Variants in OGFOD2 observed in about 807,000 individuals in gnomAD.
OGFOD2 encodes 2-oxoglutarate and iron-dependent oxygenase domain-containing protein 2.
A neutral mutation model predicts 31.1 loss-of-function variants in OGFOD2; 34 were observed. That is an observed-to-expected ratio of 1.09 (90% CI 0.83 to 1.45). The LOEUF (loss-of-function observed/expected upper bound fraction) is 1.45, where lower values mean the gene tolerates loss of function less well. OGFOD2 is among the 40% of genes most tolerant of loss of function. OGFOD2 has a pLI of 0.00. For missense variants in OGFOD2, 537 were observed against 433.9 expected (o/e 1.24, Z -2.11); for synonymous variants, 240 against 192.3 (o/e 1.25, Z -2.05).
intron 4 of OGFOD2, chr12:122,977,287 C>A: frequency 2.5e-6 from 1 of 392,692 alleles, no homozygotes; most frequent in South Asian, 2.0e-5. Context: ...CTTAAAGGGA[C>A]CATTGAGACA....
At chr12:122,977,360 C>T (rs1239508272) in intron 4 of OGFOD2, 2 of 311,926 alleles carry the variant, frequency 6.4e-6, no homozygotes, top group Non-Finnish European at 1.3e-5. Context: ...GGGCTGGCAA[C>T]AGGAGGGAGC....
exon 6 of OGFOD2, chr12:122,978,933 A>G (rs2037524636): frequency 1.9e-6 from 3 of 1,613,264 alleles, no homozygotes; most frequent in Non-Finnish European, 2.5e-6. Flanking sequence ...CCACTATGAT[A>G]ATGCCGAGCT....
chr12:122,976,979 C>A lies in OGFOD2; in HGVS notation c.403+9C>A. 1 of 1,611,908 alleles carries A rather than the reference C, an allele frequency of 6.2e-7. No homozygotes were observed. Among genetic ancestry groups the A allele is most frequent in the Non-Finnish European group, 8.5e-7 (1 of 1,178,952 alleles). On this transcript the variant is annotated intron_variant, in intron 4 of 6. Transcript: ENST00000228922. ...GCTGGAGACAGTATCGGGTGAGGTC[C>A]TGGCCCTGAGACCTGGCAGGACCAG... is the stretch of plus-strand genomic sequence containing the variant.
intron 4 of OGFOD2, 91 bp downstream of exon 4, chr12:122,977,061 C>T: frequency 1.6e-6 from 2 of 1,288,788 alleles, no homozygotes; most frequent in Middle Eastern, 1.8e-4. Context: ...CAGCCACCAT[C>T]TCTGCCTCCA....
exon 6 of OGFOD2, chr12:122,978,821 G>C (rs764956069): frequency 2.5e-6 from 4 of 1,612,600 alleles, no homozygotes; most frequent in Non-Finnish European, 3.4e-6. Context: ...TCCTGCAGCC[G>C]CTGATGGCCC....
At chr12:122,979,268 C>T in exon 7 of OGFOD2, 1 of 1,612,996 alleles carries the variant, frequency 6.2e-7, no homozygotes, top group Non-Finnish European at 8.5e-7. Flanking sequence ...GTGAGCCCGA[C>T]CTGGTGGACG....
chr12:122,977,088 G>T, intron 4 of OGFOD2, 118 bp downstream of exon 4: 1 of 926,132 alleles, frequency 1.1e-6, no homozygotes, highest in South Asian at 1.4e-5. Context: ...AAACCAGCAG[G>T]AGCTGGAAGG....
At chr12:122,975,849 C>A in exon 2 of OGFOD2, 1 of 702,982 alleles carries the variant, frequency 1.4e-6, no homozygotes, top group Non-Finnish European at 2.6e-6. Flanking sequence ...CCAAGGACTT[C>A]CAGCAGCTGT....
chr12:122,975,499 A>G (rs752940104), intron 1 of OGFOD2, 116 bp downstream of exon 1: 17 of 594,306 alleles, frequency 2.9e-5, no homozygotes, highest in African/African-American at 2.4e-4. Context: ...CTTCAAATAC[A>G]AGAATGACGG....
Position 122,976,883 on chromosome 12 carries a change from GC to G in OGFOD2, c.321del (p.Glu108SerfsTer5), listed in dbSNP as rs762990318. The G allele has an allele frequency of 1.9e-6, 3 of 1,606,378 alleles. No homozygotes were observed. The highest frequency in any genetic ancestry group is 2.6e-6 in the Non-Finnish European group (3 of 1,174,346). ...GTTTTGCTCCCAGGATGCAGCTCTG[GC>G]CCCCGAGTTCCTGGCCGTGACTGAG... On this transcript the variant is annotated frameshift_variant, in exon 4 of 7. Transcript: ENST00000228922. LOFTEE classifies it high-confidence loss of function.
chr12:122,979,324 T>C, exon 7 of OGFOD2: 1 of 1,610,150 alleles, frequency 6.2e-7, no homozygotes, highest in Non-Finnish European at 8.5e-7. Flanking sequence ...CCCGCCACGG[T>C]GGATGTATGT....
rs2037496150 is a variant in OGFOD2, at chr12:122,978,423, ACCATCCCTCCTT to A, written c.404-15_404-4del. 6.2e-7 allele frequency: 1 copy of A among 1,611,912 alleles called. No homozygotes were observed. The highest frequency in any genetic ancestry group is 1.7e-5 in the Admixed American group (1 of 59,972). ...CCCACGGCCACATTCAGGCCAACAG[ACCATCCCTCCTT>A]CCACAGAGGAGAAGCGCATCTACCG... On this transcript the variant is annotated splice_region_variant and splice_polypyrimidine_tract_variant and intron_variant, in intron 4 of 6. Transcript: ENST00000228922.
intron 3 of OGFOD2, 38 bp from the exon 4 acceptor site, chr12:122,976,833 G>T (rs1232407336): frequency 3.8e-6 from 6 of 1,595,580 alleles, no homozygotes; most frequent in African/African-American, 1.3e-5. Flanking sequence ...AGGGCTGGGG[G>T]TGCTGCCTGC....
chr12:122,978,619 G>A (rs2037504214), intron 5 of OGFOD2, 50 bp downstream of exon 5: 2 of 1,601,696 alleles, frequency 1.2e-6, no homozygotes, highest in Non-Finnish European at 8.5e-7. Flanking sequence ...GGGGTCAGGA[G>A]GCAGTGTCAG....
At chr12:122,979,233 A>T in exon 7 of OGFOD2, 6 of 1,612,742 alleles carry the variant, frequency 3.7e-6, no homozygotes, top group Non-Finnish European at 5.1e-6. Context: ...TGCTGTGCGC[A>T]ACAGCCTCTG....
At chr12:122,976,742 G>C (rs747570505) in exon 3 of OGFOD2, 36 of 1,613,856 alleles carry the variant, frequency 2.2e-5, no homozygotes, top group Non-Finnish European at 3.0e-5. Flanking sequence ...CACCCGGCAC[G>C]GCCTGAGGTC....
intron 4 of OGFOD2, 21 bp downstream of exon 4, chr12:122,976,991 C>G: frequency 6.2e-7 from 1 of 1,601,326 alleles, no homozygotes; most frequent in Non-Finnish European, 8.5e-7. Context: ...GGCCCTGAGA[C>G]CTGGCAGGAC....
At chr12:122,974,909 G>T (rs2037361444), upstream of OGFOD2, 1 of 202,636 alleles carries the variant, frequency 4.9e-6, no homozygotes, top group Non-Finnish European at 1.0e-5. Context: ...CCGGGCAGAC[G>T]GCGGGGGGTG....
chr12:122,976,559 C>T (rs1268333830), intron 2 of OGFOD2, 95 bp from the exon 3 acceptor site: 3 of 1,295,314 alleles, frequency 2.3e-6, no homozygotes, highest in Non-Finnish European at 1.1e-6. Flanking sequence ...CCAGCCTGGG[C>T]CCTGTCTGGC....
Sources: allele counts gnomAD v4.1 joint callset, GRCh38; gene constraint gnomAD v4.1.1; transcripts MANE v1.5; gene names NCBI Gene and HGNC (gene_info 2026-07-23, HGNC 2026-07-21).